The following ARHGAP15 variants were observed in gnomAD, a reference collection of about 807,000 sequenced individuals.
ARHGAP15 encodes Rho GTPase activating protein 15.
A neutral mutation model predicts 63.7 loss-of-function variants in ARHGAP15; 51 were observed. The ratio of observed to expected loss-of-function variants is 0.80; its 90% CI spans 0.64 to 1.01. The LOEUF is 1.01. Ranked by LOEUF, ARHGAP15 falls within the 50% of genes least tolerant of loss-of-function variation. The probability of loss-of-function intolerance (pLI) is 0.00; values close to 1 mark genes in which losing one functional copy is unlikely to be tolerated. For synonymous variants in ARHGAP15, 191 were observed against 193.8 expected (o/e 0.99, Z 0.12); for missense variants, 560 against 564.6 (o/e 0.99, Z 0.08).
chr2:143,558,367 C>T (rs1030159274), intron 11 of ARHGAP15, among the ~76,000 whole-genome samples: 1 of 152,068 alleles, frequency 6.6e-6, no homozygotes, highest in African/African-American at 2.4e-5. Context: ...CAATTTCATT[C>T]AATAAGCCTC....
intron 6 of ARHGAP15, among the ~76,000 whole-genome samples, chr2:143,301,752 A>G (rs895688786): frequency 1.3e-4 from 19 of 151,790 alleles, no homozygotes; most frequent in Non-Finnish European, 2.8e-4. Context: ...ACATCTGTCC[A>G]TATGTATGTA....
At chr2:143,385,395 A>C (rs1383015792) in intron 6 of ARHGAP15, among the ~76,000 whole-genome samples, 1 of 152,086 alleles carries the variant, frequency 6.6e-6, no homozygotes. Flanking sequence ...CTGAAGTTAA[A>C]ATTCTCTTTA....
chr2:143,513,054 G>T (rs10928182), intron 9 of ARHGAP15, among the ~76,000 whole-genome samples: 119,559 of 152,166 alleles, frequency 0.79, 47,207 homozygotes, highest in African/African-American at 0.85. Context: ...TGAGATACTA[G>T]GTTCTTGTAC....
intron 12 of ARHGAP15, among the ~76,000 whole-genome samples, chr2:143,636,100 A>G (rs1278504282): frequency 6.6e-6 from 1 of 152,078 alleles, no homozygotes; most frequent in South Asian, 2.1e-4. Context: ...AGTGTCCAGC[A>G]GGTGAAAGGT....
intron 8 of ARHGAP15, among the ~76,000 whole-genome samples, chr2:143,461,281 C>CAAAAAAAAAAA (rs70982868): frequency 1.5e-4 from 8 of 55,050 alleles, no homozygotes; most frequent in East Asian, 6.3e-4. Flanking sequence ...CTCTGTCTCT[C>CAAAAAAAAAAA]AAAAAAAAAA....
chr2:143,133,415 G>A (rs1351356969), intron 1 of ARHGAP15, among the ~76,000 whole-genome samples: 1 of 152,144 alleles, frequency 6.6e-6, no homozygotes, highest in Non-Finnish European at 1.5e-5. Flanking sequence ...ATACGTAATT[G>A]GATGTCCACA....
intron 6 of ARHGAP15, among the ~76,000 whole-genome samples, chr2:143,387,529 C>T (rs1345105201): frequency 6.6e-6 from 1 of 152,118 alleles, no homozygotes; most frequent in African/African-American, 2.4e-5. Context: ...TATTAGTCAA[C>T]AGATTCACAA....
chr2:143,262,144 A>G (rs533402079), intron 6 of ARHGAP15, among the ~76,000 whole-genome samples: 1 of 152,288 alleles, frequency 6.6e-6, no homozygotes, highest in South Asian at 2.1e-4. Flanking sequence ...TGAAGTCCAC[A>G]CAGAACTGTT....
At chr2:143,700,711 C>A (rs754064895) in intron 12 of ARHGAP15, among the ~76,000 whole-genome samples, 5 of 152,072 alleles carry the variant, frequency 3.3e-5, no homozygotes, top group African/African-American at 1.2e-4. Flanking sequence ...TGTATACACA[C>A]GCATATATAC....
intron 11 of ARHGAP15, among the ~76,000 whole-genome samples, chr2:143,559,618 T>C (rs1377960540): frequency 1.3e-5 from 2 of 152,214 alleles, no homozygotes; most frequent in African/African-American, 2.4e-5. Context: ...TTGAATGCGT[T>C]TTCTGGACTG....
chr2:143,587,636 C>A (rs756492159), intron 11 of ARHGAP15: 1 of 432,928 alleles, frequency 2.3e-6, no homozygotes, highest in Non-Finnish European at 4.8e-6. Flanking sequence ...TTTCCCTTCC[C>A]ATAATGAAGG....
At chr2:143,393,156 A>G (rs1202682403) in intron 6 of ARHGAP15, among the ~76,000 whole-genome samples, 1 of 152,084 alleles carries the variant, frequency 6.6e-6, no homozygotes, top group Non-Finnish European at 1.5e-5. Context: ...TTAAACCTAG[A>G]CAGCTCAAAG....
rs1685810044 is a variant in ARHGAP15, at chr2:143,356,351, A to G, written c.475-79250A>G. Among the ~76,000 whole-genome samples the G allele has an allele frequency of 2.0e-5, 3 of 152,268 alleles. No homozygotes were observed. In the South Asian group the frequency reaches 6.2e-4, roughly 32 times the overall value. ...CTTGAGCAATGATCTTTGTAAGATGAATTAATATAGGTACTGCTCCAGGAA... is the reference window on the plus strand; with the variant it reads ...CTTGAGCAATGATCTTTGTAAGATGGATTAATATAGGTACTGCTCCAGGAA... On this transcript the variant is annotated intron_variant, in intron 6 of 13. Coordinates refer to ENST00000295095, the MANE Select transcript of ARHGAP15 (RefSeq NM_018460.4).
In ARHGAP15 at chr2:143,135,615, A is replaced by C. The variant is rs72992658; in HGVS notation, c.-15+6149A>C. On this transcript the variant is annotated intron_variant, in intron 1 of 13. Transcript: ENST00000295095. The stretch of plus-strand genomic sequence containing the variant: ...AGGTCTTCATTTTGCCAAATCTAAT[A>C]GCCATTTATGTATCTTTATATTATT... 3.8e-3 allele frequency among the ~76,000 whole-genome samples: 577 copies of C among 152,314 alleles called. 6 individuals carry two copies. Among genetic ancestry groups the C allele is most frequent in the African/African-American group, 0.013 (561 of 41,578 alleles).
chr2:143,368,802 A>G (rs1221809502), intron 6 of ARHGAP15, among the ~76,000 whole-genome samples: 2 of 152,218 alleles, frequency 1.3e-5, no homozygotes, highest in South Asian at 2.1e-4. Flanking sequence ...CTTAATTTCA[A>G]TTAGAAAAAT....
intron 6 of ARHGAP15, among the ~76,000 whole-genome samples, chr2:143,385,832 T>C (rs553963970): frequency 2.0e-5 from 3 of 152,278 alleles, no homozygotes; most frequent in Admixed American, 6.5e-5. Flanking sequence ...GATCTAGATT[T>C]TTTAGGTTCT....
At chr2:143,394,591 C>G (rs929457653) in intron 6 of ARHGAP15, among the ~76,000 whole-genome samples, 1 of 152,142 alleles carries the variant, frequency 6.6e-6, no homozygotes, top group African/African-American at 2.4e-5. Context: ...ATGACTAGTA[C>G]TGTCTTCTAC....
intron 10 of ARHGAP15, among the ~76,000 whole-genome samples, chr2:143,550,330 ACAGT>A (rs1301859381): frequency 2.6e-5 from 4 of 152,176 alleles, no homozygotes; most frequent in African/African-American, 9.7e-5. Flanking sequence ...GCAAAAGAAA[ACAGT>A]CAGATGGGTA....
chr2:143,135,251 G>T (rs1689090259), intron 1 of ARHGAP15, among the ~76,000 whole-genome samples: 1 of 152,162 alleles, frequency 6.6e-6, no homozygotes, highest in Non-Finnish European at 1.5e-5. Flanking sequence ...TTCATCTGAT[G>T]AAAGCATTTT....
Sources: allele counts gnomAD v4.1 joint callset (sites outside exome capture counted in the v4.1 genomes callset), GRCh38; gene constraint gnomAD v4.1.1; transcripts MANE v1.5; gene names NCBI Gene and HGNC (gene_info 2026-07-23, HGNC 2026-07-21).